Variants in GRK5 observed in about 807,000 individuals in gnomAD.
GRK5 encodes G protein-coupled receptor kinase 5.
In GRK5, 40 loss-of-function variants were observed where a neutral mutation model predicts 78.4. The observed-to-expected ratio is 0.51, with a 90% CI of 0.40 to 0.66. The LOEUF is 0.66. Ranked by LOEUF, GRK5 falls within the 30% of genes least tolerant of loss-of-function variation. The probability of loss-of-function intolerance (pLI) is 0.00; values close to 1 mark genes in which losing one functional copy is unlikely to be tolerated. For synonymous variants in GRK5, 289 were observed against 296.8 expected, an observed-to-expected ratio of 0.97 and a Z score of 0.27; for missense variants, 598 against 759.9, an observed-to-expected ratio of 0.79 and a Z score of 2.50.
chr10:119,259,616 C>A (rs1849340918), intron 1 of GRK5, among the ~76,000 whole-genome samples: 1 of 152,162 alleles, frequency 6.6e-6, no homozygotes, highest in South Asian at 2.1e-4. Flanking sequence ...CCTGGGCCAA[C>A]CAGCTGTGAC....
intron 3 of GRK5, among the ~76,000 whole-genome samples, chr10:119,393,242 T>C (rs541723127): frequency 6.6e-6 from 1 of 152,382 alleles, no homozygotes; most frequent in African/African-American, 2.4e-5. Context: ...ACGGACTCTT[T>C]GAGAAAGGCC....
chr10:119,449,102 G>A (rs1853220146), intron 13 of GRK5, among the ~76,000 whole-genome samples: 1 of 152,246 alleles, frequency 6.6e-6, no homozygotes, highest in Non-Finnish European at 1.5e-5. Context: ...TGTGCTGCAG[G>A]CGAATGACTG....
chr10:119,448,614 T>C (rs904331931), intron 13 of GRK5, among the ~76,000 whole-genome samples: 1 of 152,176 alleles, frequency 6.6e-6, no homozygotes, highest in African/African-American at 2.4e-5. Context: ...AAATGAGAAC[T>C]GAATGGGGAA....
At chr10:119,407,845 G>A (rs890894908) in intron 4 of GRK5, among the ~76,000 whole-genome samples, 3 of 152,102 alleles carry the variant, frequency 2.0e-5, no homozygotes, top group East Asian at 3.9e-4. Flanking sequence ...GCAACACAGC[G>A]AGACCCCCAT....
Position 119,431,495 on chromosome 10 carries a change from C to T in GRK5, c.706C>T (p.Gln236Ter). ...KGESMALNEK[Q>*]ILEKVNSQFV... ...GGAGTCCATGGCCCTCAATGAGAAG[C>T]AGATCCTCGAGAAGGTCAACAGTCA... The change falls in exon 8 of 16, where the codon CAG (glutamine) becomes TAG (stop). Residue 236 changes from glutamine to a stop codon, truncating the protein, a stop_gained. Transcript: ENST00000392870. LOFTEE classifies it high-confidence loss of function. The surrounding 1 kb of genome is among the most constrained non-coding windows in gnomAD (Gnocchi z 4.8). The T allele has an allele frequency of 1.2e-6, 2 of 1,613,804 alleles. No individual in the cohort carries two copies. Among genetic ancestry groups the T allele is most frequent in the Non-Finnish European group, 1.7e-6 (2 of 1,179,842 alleles).
At chr10:119,352,502 G>A (rs1851200470) in intron 2 of GRK5, among the ~76,000 whole-genome samples, 1 of 152,194 alleles carries the variant, frequency 6.6e-6, no homozygotes, top group Admixed American at 6.5e-5. Flanking sequence ...GGTGCTTACA[G>A]CAGATCGAAC....
rs1354961206 is a variant in GRK5, at chr10:119,378,596, G to A, written c.149-2219G>A. Reference sequence around the variant, plus strand: ...CGGAGTGCTGAGGCCGTGTCCCCGTGTGGTGAATAAATGCCCGGGAGGGCG... The same window carrying A: ...CGGAGTGCTGAGGCCGTGTCCCCGTATGGTGAATAAATGCCCGGGAGGGCG... On this transcript the variant is annotated intron_variant, in intron 2 of 15. Transcript: ENST00000392870. This position sits in a 1 kb window ranked among gnomAD's most constrained non-coding sequence, Gnocchi z 4.5. Among the ~76,000 whole-genome samples, 1 of 152,260 alleles carries A rather than the reference G, an allele frequency of 6.6e-6. No homozygotes were observed. The highest frequency in any genetic ancestry group is 1.5e-5 in the Non-Finnish European group (1 of 68,048).
intron 1 of GRK5, among the ~76,000 whole-genome samples, chr10:119,213,910 A>G (rs1236370940): frequency 1.3e-5 from 2 of 152,206 alleles, no homozygotes. Flanking sequence ...CTCAGATAAT[A>G]CAATGTGAAA....
At chr10:119,306,866 T>C (rs897701663) in intron 1 of GRK5, among the ~76,000 whole-genome samples, 1 of 152,082 alleles carries the variant, frequency 6.6e-6, no homozygotes, top group African/African-American at 2.4e-5. Flanking sequence ...ACATGGGGGA[T>C]GCTTCTTTGG....
intron 1 of GRK5, among the ~76,000 whole-genome samples, chr10:119,255,915 G>A (rs903819513): frequency 7.9e-5 from 12 of 152,184 alleles, no homozygotes; most frequent in Non-Finnish European, 1.8e-4. Flanking sequence ...GAGGCAGCCA[G>A]GGAAGGCTTC....
At chr10:119,274,082 G>T (rs1249273813) in intron 1 of GRK5, among the ~76,000 whole-genome samples, 1 of 152,178 alleles carries the variant, frequency 6.6e-6, no homozygotes, top group Non-Finnish European at 1.5e-5. Context: ...TTAGAGCTGG[G>T]TTTGTGTCAT....
At chr10:119,243,265 G>A (rs916928980) in intron 1 of GRK5, among the ~76,000 whole-genome samples, 1 of 152,196 alleles carries the variant, frequency 6.6e-6, no homozygotes, top group African/African-American at 2.4e-5. Flanking sequence ...GCAGGATTGT[G>A]GCACCCAGGG....
In GRK5 at chr10:119,455,422, C is replaced by T. The variant is rs1853386400; in HGVS notation, c.*355C>T. 2.2e-6 allele frequency: 1 copy of T among 445,536 alleles called. No individual in the cohort carries two copies. Among genetic ancestry groups the T allele is most frequent in the Non-Finnish European group, 4.2e-6 (1 of 235,928 alleles). The allele number at this position is 445,536 out of a possible 1,614,324, so 27.6% of individuals were successfully genotyped here. On this transcript the variant is annotated 3_prime_UTR_variant, in exon 16 of 16. Coordinates refer to ENST00000392870, the MANE Select transcript of GRK5 (RefSeq NM_005308.3). Reference sequence around the variant, plus strand: ...AGTTTTGTAAATTTCTCTACTGTCTCAGTTTACATTTTGTATATTTGTATT... The same window carrying T: ...AGTTTTGTAAATTTCTCTACTGTCTTAGTTTACATTTTGTATATTTGTATT...
At chr10:119,447,939 C>T (rs372622114) in intron 12 of GRK5, among the ~76,000 whole-genome samples, 184 bp from the exon 13 acceptor site, 1 of 152,216 alleles carries the variant, frequency 6.6e-6, no homozygotes, top group Non-Finnish European at 1.5e-5. Flanking sequence ...AGGCATCTAG[C>T]CAGGCTGTGA....
chr10:119,337,364 C>G (rs114374974), intron 2 of GRK5, among the ~76,000 whole-genome samples: 3 of 152,252 alleles, frequency 2.0e-5, no homozygotes, highest in African/African-American at 7.2e-5. Flanking sequence ...ATACCAGAGA[C>G]CAGGTGGCTT....
rs528343617 is a variant in GRK5, at chr10:119,431,448, A to G, written c.659A>G (p.Lys220Arg). ...KMYACKRLEK[K>R]RIKKRKGESM... Reference sequence around the variant, plus strand: ...TATGCCTGCAAGCGCTTGGAGAAGAAGAGGATCAAAAAGAGGAAAGGGGAG... The same window carrying G: ...TATGCCTGCAAGCGCTTGGAGAAGAGGAGGATCAAAAAGAGGAAAGGGGAG... The change falls in exon 8 of 16, where the codon AAG (lysine) becomes AGG (arginine). Residue 220 changes from lysine to arginine, a missense_variant. Physicochemically the swap from Lys to Arg is conservative, Grantham distance 26 (BLOSUM62 2). Transcript: ENST00000392870. This position sits in a 1 kb window ranked among gnomAD's most constrained non-coding sequence, Gnocchi z 4.8. 2 of 1,614,088 alleles carry G rather than the reference A, an allele frequency of 1.2e-6. No homozygotes were observed. The highest frequency in any genetic ancestry group is 2.2e-5 in the East Asian group (1 of 44,886).
At chr10:119,363,357 A>G (rs2133812260) in intron 2 of GRK5, among the ~76,000 whole-genome samples, 1 of 151,940 alleles carries the variant, frequency 6.6e-6, no homozygotes. Context: ...GCCTTGATTG[A>G]TCTGTACCTT....
intron 1 of GRK5, chr10:119,208,604 T>C (rs1355658151): frequency 6.6e-6 from 1 of 151,794 alleles, no homozygotes; most frequent in Non-Finnish European, 1.5e-5. Context: ...TTTCTGGGAG[T>C]GTGATAACTG....
intron 4 of GRK5, among the ~76,000 whole-genome samples, chr10:119,405,943 G>A (rs1354218659): frequency 6.6e-6 from 1 of 152,148 alleles, no homozygotes; most frequent in African/African-American, 2.4e-5. Context: ...AACCAGTATT[G>A]ATTTGTCATA....
Sources: allele counts gnomAD v4.1 joint callset (sites outside exome capture counted in the v4.1 genomes callset), GRCh38; gene constraint gnomAD v4.1.1; non-coding constraint Gnocchi (gnomAD v3.1); transcripts MANE v1.5; gene names NCBI Gene and HGNC (gene_info 2026-07-23, HGNC 2026-07-21).